MAN1C1: variants seen among roughly 807,000 people sequenced by gnomAD.
The protein encoded by MAN1C1 is mannosidase alpha class 1C member 1, also known as mannosyl-oligosaccharide 1,2-alpha-mannosidase IC.
In MAN1C1, 49 loss-of-function variants were observed where a neutral mutation model predicts 71.5. The observed-to-expected ratio is 0.69, with a 90% CI of 0.54 to 0.87. MAN1C1 has a LOEUF of 0.87. Among genes scored for constraint, MAN1C1 ranks in the 40% least tolerant of loss-of-function variants. The probability of loss-of-function intolerance (pLI) is 0.00; values close to 1 mark genes in which losing one functional copy is unlikely to be tolerated. For synonymous variants in MAN1C1, 352 were observed against 343.7 expected (o/e 1.02, Z -0.27); for missense variants, 743 against 835.0 (o/e 0.89, Z 1.36).
chr1:25,773,536 G>A (rs2047581136), intron 8 of MAN1C1, among the ~76,000 whole-genome samples: 1 of 152,182 alleles, frequency 6.6e-6, no homozygotes, highest in Non-Finnish European at 1.5e-5. Flanking sequence ...CCTGTCTTTG[G>A]CTGAGCTCAG....
Position 25,746,809 on chromosome 1 carries a change from A to AGGGGG in MAN1C1, c.753+28_753+32dup. On this transcript the variant is annotated intron_variant, in intron 3 of 11. Transcript: ENST00000374332. The surrounding 1 kb of genome is among the most constrained non-coding windows in gnomAD (Gnocchi z 4.0). ...GTGAGTCAGAGGCCCTCGGCGGGGG[A>AGGGGG]GGGGGGCGGGGGCCAGAAGAGGCCC... 1 of 232,822 alleles carries AGGGGG rather than the reference A, an allele frequency of 4.3e-6. No individual in the cohort carries two copies. The highest frequency in any genetic ancestry group is 4.4e-4 in the Middle Eastern group (1 of 2,252). 14.4% of individuals were successfully genotyped at this position (232,822 alleles called of 1,614,324 possible). A position where few individuals can be genotyped will look rare whatever the true frequency, so the allele number is the denominator to read the frequency against.
At chr1:25,758,848 T>C in intron 6 of MAN1C1, 139 bp downstream of exon 6, 1 of 755,976 alleles carries the variant, frequency 1.3e-6, no homozygotes, top group East Asian at 2.5e-5. Context: ...AAGCTACCAC[T>C]AAGGTAGCAA....
intron 1 of MAN1C1, among the ~76,000 whole-genome samples, chr1:25,625,322 T>C (rs2045277912): frequency 6.6e-6 from 1 of 152,176 alleles, no homozygotes; most frequent in Non-Finnish European, 1.5e-5. Context: ...ATCTTAAATA[T>C]ACAGTTTGCT....
At chr1:25,709,629 G>C (rs1037576656) in intron 2 of MAN1C1, 2 of 152,210 alleles carry the variant, frequency 1.3e-5, no homozygotes, top group Admixed American at 1.3e-4. Context: ...GGCCTGGGGT[G>C]GCAGGGGTAG....
rs1269736224 is a variant in MAN1C1 at position 25,730,722 on chromosome 1, T to A, written c.638-15946T>A. Among the ~76,000 whole-genome samples the A allele has an allele frequency of 1.3e-5, 2 of 152,214 alleles. No homozygotes were observed. Among genetic ancestry groups the A allele is most frequent in the African/African-American group, 4.8e-5 (2 of 41,450 alleles). Reference sequence around the variant, plus strand: ...AGGGCTGTCACGACTGGATGAGGCCTGGCTTGGCTGTGGGTGGGTGGACAG... The same window carrying A: ...AGGGCTGTCACGACTGGATGAGGCCAGGCTTGGCTGTGGGTGGGTGGACAG... On this transcript the variant is annotated intron_variant, in intron 2 of 11. Transcript: ENST00000374332. This position sits in a 1 kb window ranked among gnomAD's most constrained non-coding sequence, Gnocchi z 4.3.
In MAN1C1 at chr1:25,651,185, G is replaced by GAATCCTC. The variant is rs552545003; in HGVS notation, c.540+32849_540+32855dup. Reference sequence around the variant, plus strand: ...ACTGCAATTCTAGAGCACCAGTGGGGAATCCTCTGCCACACTTTCTTCTGT... The same window carrying GAATCCTC: ...ACTGCAATTCTAGAGCACCAGTGGGGAATCCTCAATCCTCTGCCACACTTTCTTCTGT... On this transcript the variant is annotated intron_variant, in intron 1 of 11. Coordinates refer to ENST00000374332, the MANE Select transcript of MAN1C1 (RefSeq NM_020379.4). 2.6e-5 allele frequency among the ~76,000 whole-genome samples: 4 copies of GAATCCTC among 152,334 alleles called. No homozygotes were observed. In the East Asian group the frequency reaches 7.7e-4, roughly 29 times the overall value.
intron 1 of MAN1C1, among the ~76,000 whole-genome samples, chr1:25,656,886 C>T (rs981583434): frequency 2.7e-5 from 4 of 150,602 alleles, no homozygotes; most frequent in Non-Finnish European, 4.4e-5. Flanking sequence ...AGTGCAGTGG[C>T]GCGATCTTGA....
intron 1 of MAN1C1, among the ~76,000 whole-genome samples, chr1:25,623,461 G>C (rs538798148): frequency 5.3e-5 from 8 of 151,836 alleles, no homozygotes; most frequent in Non-Finnish European, 7.4e-5. Flanking sequence ...TGGTGGGGGG[G>C]GGTAAGAATA....
chr1:25,673,132 T>C (rs1165786926), intron 1 of MAN1C1, among the ~76,000 whole-genome samples: 1 of 152,022 alleles, frequency 6.6e-6, no homozygotes. Flanking sequence ...AAAGGAGACT[T>C]GAGAGGACTT....
intron 4 of MAN1C1, among the ~76,000 whole-genome samples, chr1:25,752,401 A>G (rs2047228892): frequency 6.6e-6 from 1 of 152,138 alleles, no homozygotes; most frequent in South Asian, 2.1e-4. Context: ...TCCTGACCTC[A>G]GGTGATCCAC....
chr1:25,739,361 GTGT>G (rs1197113446), intron 2 of MAN1C1, among the ~76,000 whole-genome samples: 1 of 152,186 alleles, frequency 6.6e-6, no homozygotes, highest in African/African-American at 2.4e-5. Context: ...AAAAACGTGT[GTGT>G]TGTTTCTTTA....
At chr1:25,741,279 C>G (rs574100539) in intron 2 of MAN1C1, among the ~76,000 whole-genome samples, 1 of 152,162 alleles carries the variant, frequency 6.6e-6, no homozygotes, top group East Asian at 1.9e-4. Context: ...TGTGCCTGGC[C>G]GATGGATTTT....
chr1:25,726,587 G>A (rs959607621), intron 2 of MAN1C1, among the ~76,000 whole-genome samples: 2 of 152,152 alleles, frequency 1.3e-5, no homozygotes, highest in Non-Finnish European at 2.9e-5. Flanking sequence ...TCTCACCTGT[G>A]AGGCCGCTGG....
rs2045427998 is a variant in MAN1C1, at chr1:25,634,491, TTTAATTCAG to T, written c.540+16156_540+16164del. The stretch of plus-strand genomic sequence containing the variant: ...CTATGGAGATTATATTGTTTTCCTC[TTTAATTCAG>T]TCAATACAGTGAATTATATTTTTAA... On this transcript the variant is annotated intron_variant, in intron 1 of 11. Transcript: ENST00000374332. The surrounding 1 kb of genome is among the most constrained non-coding windows in gnomAD (Gnocchi z 4.6). 6.6e-6 allele frequency among the ~76,000 whole-genome samples: 1 copy of T among 152,228 alleles called. No homozygotes were observed. Among genetic ancestry groups the T allele is most frequent in the African/African-American group, 2.4e-5 (1 of 41,456 alleles).
intron 1 of MAN1C1, among the ~76,000 whole-genome samples, chr1:25,627,509 C>T (rs1313677698): frequency 6.6e-6 from 1 of 151,980 alleles, no homozygotes; most frequent in African/African-American, 2.4e-5. Context: ...TCCTGACCTC[C>T]AGTGATTTGC....
intron 1 of MAN1C1, among the ~76,000 whole-genome samples, chr1:25,680,868 A>G (rs769333406): frequency 6.6e-6 from 1 of 152,154 alleles, no homozygotes; most frequent in Admixed American, 6.5e-5. Flanking sequence ...GTGATGCACT[A>G]GGAAGACTCA....
At position 25,631,986 on chromosome 1, in the gene MAN1C1, G is replaced by C. The variant is rs59175604; in HGVS notation, c.540+13649G>C. Among the ~76,000 whole-genome samples, 8 of 152,212 alleles carry C rather than the reference G, an allele frequency of 5.3e-5. 1 individual carries two copies. In the South Asian group the frequency reaches 1.7e-3, roughly 32 times the overall value. On this transcript the variant is annotated intron_variant, in intron 1 of 11. Transcript: ENST00000374332. This position sits in a 1 kb window ranked among gnomAD's most constrained non-coding sequence, Gnocchi z 4.2. ...GGGTTTCACCATGTTGGCTAGGCTG[G>C]TCTTGAATCCTGAACTCCTGACCTC...
At chr1:25,649,633 G>A (rs1016243942) in intron 1 of MAN1C1, among the ~76,000 whole-genome samples, 1 of 152,122 alleles carries the variant, frequency 6.6e-6, no homozygotes, top group African/African-American at 2.4e-5. Context: ...TTGGGGCTGG[G>A]TAGCAGTCCT....
At chr1:25,686,066 A>G (rs1477765207) in intron 1 of MAN1C1, among the ~76,000 whole-genome samples, 1 of 152,236 alleles carries the variant, frequency 6.6e-6, no homozygotes, top group Non-Finnish European at 1.5e-5. Flanking sequence ...GTGTTCCATT[A>G]TAGCAAGCAC....
Sources: allele counts gnomAD v4.1 joint callset (sites outside exome capture counted in the v4.1 genomes callset), GRCh38; gene constraint gnomAD v4.1.1; non-coding constraint Gnocchi (gnomAD v3.1); transcripts MANE v1.5; gene names NCBI Gene and HGNC (gene_info 2026-07-23, HGNC 2026-07-21).